CUL3: variants seen among roughly 807,000 people sequenced by gnomAD.
The protein encoded by CUL3 is cullin 3.
A neutral mutation model predicts 89.1 loss-of-function variants in CUL3; 19 were observed. That is an observed-to-expected ratio of 0.21 (90% CI 0.15 to 0.31). The LOEUF is 0.31. Ranked by LOEUF, CUL3 falls within the 10% of genes least tolerant of loss-of-function variation. The pLI, the probability that CUL3 is intolerant of heterozygous loss-of-function variation, is 1.00. For missense variants in CUL3, 469 were observed against 942.3 expected, an observed-to-expected ratio of 0.50 and a Z score of 6.58; for synonymous variants, 351 against 308.4, an observed-to-expected ratio of 1.14 and a Z score of -1.45.
chr2:224,580,621 C>A (rs1695413383), intron 1 of CUL3, among the ~76,000 whole-genome samples: 1 of 151,988 alleles, frequency 6.6e-6, no homozygotes, highest in Non-Finnish European at 1.5e-5. Flanking sequence ...GAGGTGGAGG[C>A]TGCAGTGAGC....
intron 3 of CUL3, among the ~76,000 whole-genome samples, chr2:224,521,559 T>C (rs1273080427): frequency 1.3e-5 from 2 of 152,056 alleles, no homozygotes; most frequent in Non-Finnish European, 2.9e-5. Flanking sequence ...GCCCCGCTAG[T>C]AGCTGGGATT....
At chr2:224,552,672 C>A (rs1270587210) in intron 2 of CUL3, among the ~76,000 whole-genome samples, 1 of 152,188 alleles carries the variant, frequency 6.6e-6, no homozygotes, top group Admixed American at 6.5e-5. Context: ...ATATAACAAA[C>A]CAGCCCTCAA....
intron 13 of CUL3, among the ~76,000 whole-genome samples, chr2:224,488,192 A>G (rs531147706): frequency 6.6e-6 from 1 of 152,312 alleles, no homozygotes; most frequent in East Asian, 1.9e-4. Context: ...AAAGAACTAG[A>G]CAAGCAAGAG....
intron 13 of CUL3, among the ~76,000 whole-genome samples, chr2:224,490,787 C>T (rs1265112538): frequency 6.6e-6 from 1 of 151,342 alleles, no homozygotes; most frequent in Non-Finnish European, 1.5e-5. Flanking sequence ...CCCTTTTGTT[C>T]AAATGAGCTG....
chr2:224,500,571 C>G lies in CUL3; in HGVS notation c.1486-84G>C, dbSNP rs947978207. The G allele has an allele frequency of 1.5e-5, 20 of 1,292,564 alleles. No homozygotes were observed. In the African/African-American group the frequency reaches 2.8e-4, roughly 18 times the overall value. 80.1% of individuals were successfully genotyped at this position (1,292,564 alleles called of 1,614,324 possible). ...TGTTTAGACATTGTGTTAGATTTACCAAAGCAGTTAGCTCCATGTCTAATA... is the reference window on the plus strand; with the variant it reads ...TGTTTAGACATTGTGTTAGATTTACGAAAGCAGTTAGCTCCATGTCTAATA... On this transcript the variant is annotated intron_variant, in intron 10 of 15. Coordinates refer to ENST00000264414, the MANE Select transcript of CUL3 (RefSeq NM_003590.5).
intron 1 of CUL3, chr2:224,563,393 GA>G: frequency 2.6e-6 from 1 of 379,024 alleles, no homozygotes; most frequent in South Asian, 2.1e-5. Flanking sequence ...TAAAACTTAA[GA>G]GGGATTCCAG....
intron 2 of CUL3, among the ~76,000 whole-genome samples, chr2:224,553,201 A>G (rs2106296296): frequency 6.6e-6 from 1 of 152,326 alleles, no homozygotes; most frequent in African/African-American, 2.4e-5. Context: ...ATGATTATTA[A>G]AATTGTTTTA....
Position 224,506,123 on chromosome 2 carries a change from C to A in CUL3, c.1039G>T (p.Asp347Tyr), listed in dbSNP as rs2106203875. 1 of 1,573,508 alleles carries A rather than the reference C, an allele frequency of 6.4e-7. No individual in the cohort carries two copies. Among genetic ancestry groups the A allele is most frequent in the Non-Finnish European group, 8.6e-7 (1 of 1,163,256 alleles). The change falls in exon 8 of 16, where the codon GAT becomes TAT. Residue 347 changes from aspartate (D) to tyrosine (Y), a missense_variant. By Grantham distance (160) the Asp-to-Tyr change is radical (BLOSUM62 -3). Transcript: ENST00000264414. Reference protein sequence around the residue: ...NPVDYIQGLLDLKSRFDRFLL... With the variant: ...NPVDYIQGLLYLKSRFDRFLL... Reference sequence around the variant, plus strand: ...AAGCGATCGAACCTACTCTTCAGATCCAATAAGCCCTTAGAAATAAAAACA... The same window carrying A: ...AAGCGATCGAACCTACTCTTCAGATACAATAAGCCCTTAGAAATAAAAACA...
rs535248642 is a variant in CUL3, at chr2:224,476,517, A to AT, written c.2175+1682dup. ...CTCAACCCAGTCCTGCACCAAGCTC[A>AT]TATCGGGTTTCACATAGAGAAAAGA... On this transcript the variant is annotated intron_variant, in intron 15 of 15. Transcript: ENST00000264414. 1.9e-3 allele frequency among the ~76,000 whole-genome samples: 282 copies of AT among 152,336 alleles called. 1 individual carries two copies. Among genetic ancestry groups the AT allele is most frequent in the Non-Finnish European group, 3.5e-3 (239 of 68,032 alleles).
intron 2 of CUL3, among the ~76,000 whole-genome samples, chr2:224,554,044 C>G (rs1312097588): frequency 6.6e-6 from 1 of 152,130 alleles, no homozygotes; most frequent in Non-Finnish European, 1.5e-5. Context: ...AAAACTTGGT[C>G]ACCGAAACAC....
intron 1 of CUL3, among the ~76,000 whole-genome samples, chr2:224,579,707 G>C (rs1341767826): frequency 1.3e-5 from 2 of 152,162 alleles, no homozygotes; most frequent in Admixed American, 6.5e-5. Context: ...TGATGAGTTA[G>C]CAAGCTTTTA....
chr2:224,496,440 T>C (rs1337163512), intron 12 of CUL3, among the ~76,000 whole-genome samples: 1 of 152,234 alleles, frequency 6.6e-6, no homozygotes, highest in Non-Finnish European at 1.5e-5. Flanking sequence ...TTTCTTAAAA[T>C]GTGTGCACAC....
intron 1 of CUL3, among the ~76,000 whole-genome samples, chr2:224,568,320 C>A (rs1338637166): frequency 6.6e-6 from 1 of 152,158 alleles, no homozygotes; most frequent in Admixed American, 6.5e-5. Context: ...CAGTTTGTAA[C>A]CATCACTACA....
intron 1 of CUL3, among the ~76,000 whole-genome samples, chr2:224,576,736 A>C (rs368240652): frequency 6.6e-6 from 1 of 152,068 alleles, no homozygotes; most frequent in South Asian, 2.1e-4. Flanking sequence ...GGAAGGAAAA[A>C]AGAAAAACTA....
chr2:224,533,631 C>T (rs564655626), intron 3 of CUL3, among the ~76,000 whole-genome samples: 3 of 152,152 alleles, frequency 2.0e-5, no homozygotes, highest in South Asian at 2.1e-4. Flanking sequence ...AGTTAGGATG[C>T]GATTTAAAGA....
intron 2 of CUL3, among the ~76,000 whole-genome samples, chr2:224,548,022 A>G (rs1574681864): frequency 1.3e-5 from 2 of 152,240 alleles, no homozygotes; most frequent in East Asian, 3.8e-4. Context: ...TTTTCAGCAA[A>G]TAAGACCCTA....
chr2:224,478,375 A>T (rs2106143797), intron 14 of CUL3, 30 bp from the exon 15 acceptor site: 1 of 1,584,408 alleles, frequency 6.3e-7, no homozygotes, highest in South Asian at 1.2e-5. Flanking sequence ...ATTTATCATA[A>T]ATCTAATTTT....
chr2:224,474,050 AC>A lies in CUL3; in HGVS notation c.*194del, dbSNP rs1691225165. 2.1e-6 allele frequency: 1 copy of A among 477,898 alleles called. No homozygotes were observed. The highest frequency in any genetic ancestry group is 1.9e-5 in the African/African-American group (1 of 51,972). The allele number at this position is 477,898 out of a possible 1,614,324, so 29.6% of individuals were successfully genotyped here. On this transcript the variant is annotated 3_prime_UTR_variant, in exon 16 of 16. Transcript: ENST00000264414. Reference sequence around the variant, plus strand: ...GTAAAGATGATCTCTACAGGGATAAACGTTGTAAAGCCTGAAGCTCAATCAA... The same window carrying A: ...GTAAAGATGATCTCTACAGGGATAAAGTTGTAAAGCCTGAAGCTCAATCAA...
At chr2:224,583,727 T>C (rs1695498467) in intron 1 of CUL3, among the ~76,000 whole-genome samples, 1 of 152,246 alleles carries the variant, frequency 6.6e-6, no homozygotes, top group Admixed American at 6.5e-5. Context: ...TTTTAAATTT[T>C]AGGAATTCAG....
Sources: gnomAD v4.1 joint callset for allele counts (sites outside exome capture counted in the v4.1 genomes callset) on GRCh38, gnomAD v4.1.1 for gene constraint, MANE v1.5 for transcripts, NCBI Gene and HGNC (gene_info 2026-07-23, HGNC 2026-07-21) for gene names.